Variants in IL1RAPL1 observed in about 807,000 individuals in gnomAD.
The protein encoded by IL1RAPL1 is interleukin 1 receptor accessory protein like 1.
Under a neutral mutation model 48.4 loss-of-function variants are expected in IL1RAPL1, and 3 were observed. That is an observed-to-expected ratio of 0.06 (90% CI 0.03 to 0.16). The LOEUF (loss-of-function observed/expected upper bound fraction) is 0.16, where lower values mean the gene tolerates loss of function less well. Among genes scored for constraint, IL1RAPL1 ranks in the 10% least tolerant of loss-of-function variants. The pLI, the probability that IL1RAPL1 is intolerant of heterozygous loss-of-function variation, is 1.00. For synonymous variants in IL1RAPL1, 185 were observed against 187.7 expected (o/e 0.99, Z 0.12); for missense variants, 349 against 530.6 (o/e 0.66, Z 3.36).
Position 29,868,965 on chromosome X carries a change from G to A in IL1RAPL1, c.779-48499G>A, listed in dbSNP as rs189994266. On this transcript the variant is annotated intron_variant, in intron 6 of 10. Transcript: ENST00000378993. ...GTTGGAATTTCAGGTTTTGGACTACGTCCTCTCTATTTCCTCTTTATACTT... is the reference window on the plus strand; with the variant it reads ...GTTGGAATTTCAGGTTTTGGACTACATCCTCTCTATTTCCTCTTTATACTT... Among the ~76,000 whole-genome samples the A allele has an allele frequency of 1.8e-3, 206 of 111,873 alleles. 1 individual carries two copies. The highest frequency in any genetic ancestry group is 6.0e-3 in the African/African-American group (185 of 30,827).
intron 6 of IL1RAPL1, among the ~76,000 whole-genome samples, chrX:29,779,731 T>C (rs1024189304): frequency 8.9e-6 from 1 of 112,079 alleles, no homozygotes; most frequent in African/African-American, 3.2e-5. Context: ...TTAATTTCAC[T>C]TAATATTGAG....
chrX:29,096,253 T>TG (rs761250642), intron 2 of IL1RAPL1, among the ~76,000 whole-genome samples: 14 of 111,583 alleles, frequency 1.3e-4, no homozygotes, highest in Non-Finnish European at 2.6e-4. Context: ...CCCCCAGAAA[T>TG]GCTTTAATTA....
chrX:29,279,994 T>C (rs1336046185), intron 2 of IL1RAPL1, among the ~76,000 whole-genome samples: 2 of 112,054 alleles, frequency 1.8e-5, no homozygotes, highest in African/African-American at 6.5e-5. Flanking sequence ...ACTGCTAACT[T>C]GAAGGTATTT....
At chrX:29,349,799 C>T (rs1047772930) in intron 3 of IL1RAPL1, among the ~76,000 whole-genome samples, 2 of 110,081 alleles carry the variant, frequency 1.8e-5, no homozygotes, top group African/African-American at 3.3e-5. Context: ...CTTCCAGTAA[C>T]GCAGGGAGTG....
At chrX:28,861,069 A>T (rs1192183449) in intron 2 of IL1RAPL1, among the ~76,000 whole-genome samples, 3 of 111,408 alleles carry the variant, frequency 2.7e-5, no homozygotes, top group Non-Finnish European at 3.8e-5. Flanking sequence ...GAAAAAATAG[A>T]TTTCATCCAA....
intron 2 of IL1RAPL1, among the ~76,000 whole-genome samples, chrX:28,947,282 A>G (rs1395369533): frequency 1.8e-5 from 2 of 111,252 alleles, no homozygotes; most frequent in Non-Finnish European, 3.8e-5. Flanking sequence ...TTGGGTTTTG[A>G]TTTTCATCAT....
At chrX:28,862,003 G>GT (rs894442336) in intron 2 of IL1RAPL1, among the ~76,000 whole-genome samples, 68 of 111,079 alleles carry the variant, frequency 6.1e-4, no homozygotes, top group African/African-American at 1.5e-3. Context: ...TTAACGAGGA[G>GT]TTTTTTTAAA....
At chrX:28,715,253 C>T (rs1935489340) in intron 1 of IL1RAPL1, among the ~76,000 whole-genome samples, 1 of 111,965 alleles carries the variant, frequency 8.9e-6, no homozygotes, top group Admixed American at 9.5e-5. Flanking sequence ...CACTGAAAAC[C>T]GTACAATTAC....
chrX:29,718,693 C>T (rs1329207434), intron 6 of IL1RAPL1, among the ~76,000 whole-genome samples: 1 of 109,542 alleles, frequency 9.1e-6, no homozygotes, highest in Non-Finnish European at 1.9e-5. Context: ...AATTGAACCA[C>T]AGAGTTGATC....
At chrX:29,266,484 A>C (rs186499187) in intron 2 of IL1RAPL1, among the ~76,000 whole-genome samples, 24 of 111,642 alleles carry the variant, frequency 2.1e-4, no homozygotes, top group African/African-American at 7.8e-4. Context: ...TCCCAACAGT[A>C]GTCATCATTA....
rs938497058 is a variant in IL1RAPL1, at chrX:29,240,394, C to G, written c.83-42544C>G. On this transcript the variant is annotated intron_variant, in intron 2 of 10. Coordinates refer to ENST00000378993, the MANE Select transcript of IL1RAPL1 (RefSeq NM_014271.4). ...GGATTATAGGCGCACGCCACCTCAC[C>G]CGGCTAATTTTTGTATTTTTAGTAG... 2.8e-5 allele frequency among the ~76,000 whole-genome samples: 3 copies of G among 105,602 alleles called. No homozygotes were observed. The Admixed American group carries it at 3.1e-4, about 11-fold the overall frequency. 91.7% of individuals were successfully genotyped at this position (105,602 alleles called of 115,157 possible).
At chrX:29,045,326 A>G (rs1293134391) in intron 2 of IL1RAPL1, among the ~76,000 whole-genome samples, 3 of 112,543 alleles carry the variant, frequency 2.7e-5, no homozygotes, top group Non-Finnish European at 5.6e-5. Flanking sequence ...TCGGCTTTCC[A>G]AAATATGGTA....
At chrX:28,844,464 C>T (rs151063260) in intron 2 of IL1RAPL1, among the ~76,000 whole-genome samples, 3,332 of 109,428 alleles carry the variant, frequency 0.03, 63 homozygotes, top group Non-Finnish European at 0.05. Context: ...GTTTTACTCA[C>T]CCCATTCGAC....
At chrX:29,894,150 G>A (rs1932328598) in intron 6 of IL1RAPL1, among the ~76,000 whole-genome samples, 1 of 111,965 alleles carries the variant, frequency 8.9e-6, no homozygotes, top group African/African-American at 3.3e-5. Flanking sequence ...CGCAGTAAGG[G>A]CATTTTGAAA....
chrX:28,684,077 G>A (rs953444727), intron 1 of IL1RAPL1, among the ~76,000 whole-genome samples: 5 of 112,098 alleles, frequency 4.5e-5, no homozygotes, highest in African/African-American at 6.5e-5. Flanking sequence ...TTGACCACTC[G>A]TTCTTTAAGG....
At chrX:29,954,434 C>T (rs1207200947) in intron 9 of IL1RAPL1, 88 bp from the exon 10 acceptor site, 13 of 731,707 alleles carry the variant, frequency 1.8e-5, no homozygotes, top group Middle Eastern at 6.2e-4. Context: ...CATTTGGAGA[C>T]GTTTATGAAA....
intron 5 of IL1RAPL1, among the ~76,000 whole-genome samples, chrX:29,425,583 T>G (rs1340846387): frequency 9.0e-6 from 1 of 110,874 alleles, no homozygotes; most frequent in African/African-American, 3.3e-5. Flanking sequence ...TAAAAAAAAG[T>G]ATTATTATTA....
intron 2 of IL1RAPL1, among the ~76,000 whole-genome samples, chrX:29,024,872 G>T (rs1344413119): frequency 9.0e-6 from 1 of 111,139 alleles, no homozygotes; most frequent in Non-Finnish European, 1.9e-5. Flanking sequence ...ATATTTACAG[G>T]GTTGTGCAAC....
intron 2 of IL1RAPL1, among the ~76,000 whole-genome samples, chrX:28,889,701 A>G (rs1393442832): frequency 9.0e-6 from 1 of 111,417 alleles, no homozygotes; most frequent in Non-Finnish European, 1.9e-5. Context: ...ATTTGGCTTC[A>G]GTTTCTCCTA....
Sources: gnomAD v4.1 joint callset for allele counts (sites outside exome capture counted in the v4.1 genomes callset) on GRCh38, gnomAD v4.1.1 for gene constraint, MANE v1.5 for transcripts, NCBI Gene and HGNC (gene_info 2026-07-23, HGNC 2026-07-21) for gene names.